The following TMEFF2 variants were observed in gnomAD, a reference collection of about 807,000 sequenced individuals.
TMEFF2 encodes the protein transmembrane protein with EGF like and two follistatin like domains 2, also known as tomoregulin-2.
A neutral mutation model predicts 53.8 loss-of-function variants in TMEFF2; 28 were observed. The ratio of observed to expected loss-of-function variants is 0.52; its 90% CI spans 0.39 to 0.71. The LOEUF is 0.71. TMEFF2 is among the 30% of genes least tolerant of loss of function. The probability of loss-of-function intolerance (pLI) is 0.00; values close to 1 mark genes in which losing one functional copy is unlikely to be tolerated. For missense variants in TMEFF2, 353 were observed against 455.2 expected (o/e 0.78, Z 2.04); for synonymous variants, 162 against 166.3 (o/e 0.97, Z 0.20).
chr2:192,029,919 A>G (rs1366539265), intron 5 of TMEFF2, among the ~76,000 whole-genome samples: 2 of 152,260 alleles, frequency 1.3e-5, no homozygotes, highest in African/African-American at 4.8e-5. Context: ...GCTGGATTCT[A>G]TACCTGCTTC....
chr2:191,993,162 G>A (rs1686146898), intron 7 of TMEFF2, among the ~76,000 whole-genome samples: 1 of 152,034 alleles, frequency 6.6e-6, no homozygotes, highest in Non-Finnish European at 1.5e-5. Context: ...CTTCTACAGA[G>A]AACAAGTTAT....
chr2:191,959,222 T>C (rs1692195920), intron 7 of TMEFF2, among the ~76,000 whole-genome samples: 1 of 152,204 alleles, frequency 6.6e-6, no homozygotes, highest in Non-Finnish European at 1.5e-5. Flanking sequence ...CTAAAATAGA[T>C]AAAAGGCTAT....
At chr2:192,176,799 C>A (rs1574437650) in intron 4 of TMEFF2, 1 of 151,196 alleles carries the variant, frequency 6.6e-6, no homozygotes, top group Non-Finnish European at 1.5e-5. Flanking sequence ...GTCTAATTTT[C>A]ATTACTAATG....
At chr2:192,123,453 T>G (rs1332962811) in intron 4 of TMEFF2, among the ~76,000 whole-genome samples, 2 of 152,198 alleles carry the variant, frequency 1.3e-5, no homozygotes, top group African/African-American at 4.8e-5. Context: ...AAAATATGAT[T>G]TGTAATGTGT....
intron 7 of TMEFF2, among the ~76,000 whole-genome samples, chr2:191,994,163 T>C (rs1303864166): frequency 1.3e-5 from 2 of 152,004 alleles, no homozygotes; most frequent in African/African-American, 4.8e-5. Context: ...ACTGTAATAG[T>C]CTGTGTTGCT....
At chr2:191,953,986 C>T (rs1691980619) in intron 8 of TMEFF2, 149 bp from the exon 9 acceptor site, 1 of 617,688 alleles carries the variant, frequency 1.6e-6, no homozygotes, top group Non-Finnish European at 2.4e-6. Flanking sequence ...CCTCCGGGTT[C>T]ACGCCATTCT....
intron 7 of TMEFF2, among the ~76,000 whole-genome samples, chr2:191,995,675 T>C (rs1260802654): frequency 6.6e-6 from 1 of 152,034 alleles, no homozygotes; most frequent in Non-Finnish European, 1.5e-5. Flanking sequence ...AACATGACTA[T>C]TACTTAAATG....
intron 5 of TMEFF2, among the ~76,000 whole-genome samples, chr2:191,999,680 G>C (rs1047327671): frequency 6.6e-6 from 1 of 151,944 alleles, no homozygotes; most frequent in Non-Finnish European, 1.5e-5. Flanking sequence ...CATGCAATCA[G>C]GAGTCGTATT....
In TMEFF2 at chr2:191,950,221, T is replaced by G; in HGVS notation, c.*90A>C. On this transcript the variant is annotated 3_prime_UTR_variant, in exon 10 of 10. Transcript: ENST00000272771. ...ATTACCACAAATGCAAGGCAACATG[T>G]GTAGATCTCTTGTCTTATTCTTTTG... The G allele has an allele frequency of 6.3e-7, 1 of 1,576,290 alleles. No individual in the cohort carries two copies.
chr2:192,143,676 T>C (rs1690188014), intron 4 of TMEFF2, among the ~76,000 whole-genome samples: 1 of 152,138 alleles, frequency 6.6e-6, no homozygotes, highest in Non-Finnish European at 1.5e-5. Flanking sequence ...TTAATTACAT[T>C]CATCATTTCC....
At chr2:191,993,825 G>A (rs528173279) in intron 7 of TMEFF2, among the ~76,000 whole-genome samples, 7 of 152,128 alleles carry the variant, frequency 4.6e-5, no homozygotes, top group South Asian at 4.1e-4. Context: ...GCCTCTTGGC[G>A]TATTTTGTAA....
chr2:191,997,876 C>A (rs1203987448), intron 7 of TMEFF2, among the ~76,000 whole-genome samples: 2 of 151,820 alleles, frequency 1.3e-5, no homozygotes, highest in African/African-American at 4.8e-5. Context: ...TAGAGACTAG[C>A]AAACTTTTCA....
At chr2:192,120,813 CACA>C in intron 4 of TMEFF2, among the ~76,000 whole-genome samples, 1 of 152,024 alleles carries the variant, frequency 6.6e-6, no homozygotes, top group East Asian at 1.9e-4. Context: ...CTCAGCTCAC[CACA>C]ACCTCCGCCT....
chr2:192,125,227 C>T (rs560077843), intron 4 of TMEFF2, among the ~76,000 whole-genome samples: 1 of 152,046 alleles, frequency 6.6e-6, no homozygotes, highest in Non-Finnish European at 1.5e-5. Context: ...TACATCTAAT[C>T]GAATATTTTA....
At position 192,123,584 on chromosome 2, in the gene TMEFF2, A is replaced by T. The variant is rs115481360; in HGVS notation, c.439+56084T>A. Among the ~76,000 whole-genome samples, 279 of 152,322 alleles carry T rather than the reference A, an allele frequency of 1.8e-3. 4 individuals carry two copies. The highest frequency in any genetic ancestry group is 6.4e-3 in the African/African-American group (266 of 41,580). ...CATTATATTTACTATTAGCAAAATA[A>T]TAGTTTAAAATTGACTTTGCTGCCT... On this transcript the variant is annotated intron_variant, in intron 4 of 9. Coordinates refer to ENST00000272771, the MANE Select transcript of TMEFF2 (RefSeq NM_016192.4).
At chr2:191,993,794 A>G (rs988122004) in intron 7 of TMEFF2, among the ~76,000 whole-genome samples, 3 of 152,056 alleles carry the variant, frequency 2.0e-5, no homozygotes, top group Non-Finnish European at 4.4e-5. Flanking sequence ...TTGATTTTAA[A>G]AATTCCCAGC....
At chr2:191,985,433 T>A (rs551137115) in intron 7 of TMEFF2, among the ~76,000 whole-genome samples, 7 of 152,208 alleles carry the variant, frequency 4.6e-5, no homozygotes, top group Non-Finnish European at 8.8e-5. Flanking sequence ...CAGAGGGATT[T>A]ACCTCAGTTT....
At chr2:192,011,948 G>T (rs1168504195) in intron 5 of TMEFF2, among the ~76,000 whole-genome samples, 1 of 151,734 alleles carries the variant, frequency 6.6e-6, no homozygotes, top group Non-Finnish European at 1.5e-5. Context: ...GTGCAGTGGC[G>T]CAGTCTCCGC....
chr2:191,985,325 A>G (rs1372643502), intron 7 of TMEFF2, among the ~76,000 whole-genome samples: 1 of 152,178 alleles, frequency 6.6e-6, no homozygotes, highest in Non-Finnish European at 1.5e-5. Flanking sequence ...TATTTTTCAC[A>G]AAACCAAAAC....
Sources: allele counts gnomAD v4.1 joint callset (sites outside exome capture counted in the v4.1 genomes callset), GRCh38; gene constraint gnomAD v4.1.1; transcripts MANE v1.5; gene names NCBI Gene and HGNC (gene_info 2026-07-23, HGNC 2026-07-21).